RNF145: variants seen among roughly 807,000 people sequenced by gnomAD.
The protein encoded by RNF145 is ring finger protein 145.
RNF145 carries 12 observed loss-of-function variants against 57.3 expected under a neutral mutation model. That is an observed-to-expected ratio of 0.21 (90% CI 0.13 to 0.34). The LOEUF is 0.34. RNF145 is among the 10% of genes least tolerant of loss of function. The probability of loss-of-function intolerance (pLI) is 1.00; values close to 1 mark genes in which losing one functional copy is unlikely to be tolerated. For synonymous variants in RNF145, 262 were observed against 288.3 expected, an observed-to-expected ratio of 0.91 and a Z score of 0.92; for missense variants, 429 against 799.0, an observed-to-expected ratio of 0.54 and a Z score of 5.58.
intron 6 of RNF145, among the ~76,000 whole-genome samples, chr5:159,173,779 A>T (rs1784628710): frequency 6.6e-6 from 1 of 152,204 alleles, no homozygotes; most frequent in African/African-American, 2.4e-5. Context: ...TCTGGTCCAT[A>T]GTGCAGCCAA....
At chr5:159,207,648 T>A (rs1025935905) in intron 1 of RNF145, 4 of 1,609,746 alleles carry the variant, frequency 2.5e-6, no homozygotes, top group African/African-American at 1.3e-5. Context: ...AGCCCAGAAC[T>A]GAGATACCAG....
intron 1 of RNF145, among the ~76,000 whole-genome samples, chr5:159,207,174 A>C (rs894885735): frequency 2.6e-5 from 4 of 152,172 alleles, no homozygotes; most frequent in Admixed American, 6.5e-5. Flanking sequence ...TTCATTCTAC[A>C]CTTTCCTGAA....
intron 3 of RNF145, among the ~76,000 whole-genome samples, chr5:159,185,425 A>G (rs903242709): frequency 3.3e-5 from 5 of 152,240 alleles, no homozygotes; most frequent in South Asian, 2.1e-4. Flanking sequence ...AAAAATCTCT[A>G]TATCTTACTT....
intron 3 of RNF145, among the ~76,000 whole-genome samples, chr5:159,192,093 T>G (rs541213091): frequency 6.6e-6 from 1 of 152,166 alleles, no homozygotes; most frequent in South Asian, 2.1e-4. Context: ...TGTACAGACT[T>G]TTTTTGTCAT....
upstream of RNF145, chr5:159,209,564 G>A (rs1174729805): frequency 2.0e-6 from 2 of 998,478 alleles, no homozygotes; most frequent in South Asian, 4.5e-5. Context: ...GGCGGCCGCG[G>A]CCCGACTTCC....
At chr5:159,175,622 C>T (rs1784696892) in intron 5 of RNF145, among the ~76,000 whole-genome samples, 1 of 152,134 alleles carries the variant, frequency 6.6e-6, no homozygotes. Flanking sequence ...CCCCATGAAG[C>T]CACTCTTCAC....
intron 8 of RNF145, among the ~76,000 whole-genome samples, chr5:159,163,655 T>C (rs139306232): frequency 1.3e-4 from 20 of 152,306 alleles, no homozygotes; most frequent in South Asian, 4.1e-4. Flanking sequence ...CCAGCCCTGA[T>C]CTATCCAGGA....
chr5:159,188,827 C>T (rs1785179867), intron 3 of RNF145, among the ~76,000 whole-genome samples: 2 of 152,180 alleles, frequency 1.3e-5, no homozygotes, highest in Admixed American at 1.3e-4. Context: ...TATGTAAATA[C>T]ACATAAAGGA....
Position 159,158,669 on chromosome 5 carries a change from TC to T in RNF145, c.1992del (p.Ter664=). The T allele has an allele frequency of 1.2e-6, 2 of 1,613,420 alleles. No homozygotes were observed. The highest frequency in any genetic ancestry group is 1.7e-6 in the Non-Finnish European group (2 of 1,179,538). On this transcript the variant is annotated frameshift_variant and stop_lost, in exon 11 of 11. Transcript: ENST00000424310. LOFTEE classifies it high-confidence loss of function. ...AAAGCATCATTCCTGCTGCTTCTCC[TC>T]TAGGCTGATTCAACAGGATGTGCTT... ...KDEAHPVESA[*>X]
chr5:159,161,819 G>A (rs189954648), intron 9 of RNF145, among the ~76,000 whole-genome samples, 197 bp from the exon 10 acceptor site: 4 of 152,274 alleles, frequency 2.6e-5, no homozygotes, highest in African/African-American at 9.6e-5. Flanking sequence ...ACTAAAATGT[G>A]GGTGATCTTA....
intron 4 of RNF145, among the ~76,000 whole-genome samples, chr5:159,180,063 C>CCT (rs909987321): frequency 4.6e-5 from 7 of 151,904 alleles, no homozygotes; most frequent in East Asian, 1.9e-4. Flanking sequence ...AGCACTTCTC[C>CCT]CTCTCTCTCT....
chr5:159,210,005 A>C (rs898934682), upstream of RNF145: 1 of 1,011,212 alleles, frequency 9.9e-7, no homozygotes, highest in Non-Finnish European at 1.5e-6. Flanking sequence ...GCCCAGCACC[A>C]AGTGCAGGCA....
In RNF145 at chr5:159,192,746, C is replaced by A. The variant is rs1398510229; in HGVS notation, c.293+1970G>T. The stretch of plus-strand genomic sequence containing the variant: ...TAATGTGAAAAAACTAAGGCTTATC[C>A]TTCTGGGAAATGACACCCAAGGTTA... On this transcript the variant is annotated intron_variant, in intron 3 of 10. Transcript: ENST00000424310. Among the ~76,000 whole-genome samples, 7 of 152,222 alleles carry A rather than the reference C, an allele frequency of 4.6e-5. No individual in the cohort carries two copies. In the East Asian group the frequency reaches 5.8e-4, roughly 13 times the overall value.
In RNF145 at chr5:159,176,656, T is replaced by C; in HGVS notation, c.597A>G (p.Lys199=). 6.2e-7 allele frequency: 1 copy of C among 1,610,428 alleles called. No homozygotes were observed. The highest frequency in any genetic ancestry group is 2.2e-5 in the East Asian group (1 of 44,838). The change falls in exon 5 of 11, where the codon AAA becomes AAG. Residue 199 remains lysine (K), a synonymous_variant. Transcript: ENST00000424310. The part of the protein sequence containing the change: ...SNLLVPYNLA[K]SAYRELVQVV... ...CCTGAACCAATTCTCTGTATGCAGA[T>C]TTAGCAAGGTTATAAGGTACCAAAA...
At chr5:159,190,650 T>C (rs1785257885) in intron 3 of RNF145, among the ~76,000 whole-genome samples, 1 of 136,382 alleles carries the variant, frequency 7.3e-6, no homozygotes, top group Non-Finnish European at 1.5e-5. Flanking sequence ...ACCACTCCAC[T>C]GCAACCTTGG....
At chr5:159,167,335 C>A (rs756559866) in intron 8 of RNF145, among the ~76,000 whole-genome samples, 1 of 152,134 alleles carries the variant, frequency 6.6e-6, no homozygotes, top group Non-Finnish European at 1.5e-5. Flanking sequence ...GACACCAATT[C>A]AAAGTACCCC....
chr5:159,167,490 A>G (rs765831739), intron 8 of RNF145, among the ~76,000 whole-genome samples: 1 of 152,244 alleles, frequency 6.6e-6, no homozygotes, highest in Admixed American at 6.5e-5. Flanking sequence ...CTAGTGGAAC[A>G]ACATATTTTT....
intron 2 of RNF145, among the ~76,000 whole-genome samples, chr5:159,201,755 A>G (rs1785676250): frequency 6.6e-6 from 1 of 152,238 alleles, no homozygotes; most frequent in African/African-American, 2.4e-5. Flanking sequence ...ACATAAAAAT[A>G]TCTCTAGAAT....
rs752224518 is a variant in RNF145 at position 159,182,048 on chromosome 5, G to C, written c.297C>G (p.Asp99Glu). Residue 99 changes from aspartate to glutamate, a missense_variant, in exon 4 of 11, where the codon GAC becomes GAG. By Grantham distance (45) the Asp-to-Glu change is conservative (BLOSUM62 2). Transcript: ENST00000424310. ...LLYAGHQISR[D>E]YVRSELEFAY... ...CAAACTCCAGTTCACTCCGAACATA[G>C]TCCCTAAATAAGAAAATTGATTAGA... The C allele has an allele frequency of 6.3e-7, 1 of 1,584,148 alleles. No individual in the cohort carries two copies.
Sources: allele counts gnomAD v4.1 joint callset (sites outside exome capture counted in the v4.1 genomes callset), GRCh38; gene constraint gnomAD v4.1.1; transcripts MANE v1.5; gene names NCBI Gene and HGNC (gene_info 2026-07-23, HGNC 2026-07-21).